Variants in ANKRD54 observed in about 807,000 individuals in gnomAD.
ANKRD54 encodes the protein ankyrin repeat domain-containing protein 54.
Under a neutral mutation model 36.2 loss-of-function variants are expected in ANKRD54, and 26 were observed. The observed-to-expected ratio is 0.72, with a 90% CI of 0.53 to 1.00. The LOEUF (loss-of-function observed/expected upper bound fraction) is 1.00. ANKRD54 is among the 50% of genes least tolerant of loss of function. The pLI is 0.00. For synonymous variants in ANKRD54, 209 were observed against 188.4 expected (o/e 1.11, Z -0.89); for missense variants, 384 against 424.3 (o/e 0.91, Z 0.83).
intron 1 of ANKRD54, among the ~76,000 whole-genome samples, chr22:37,842,065 C>A (rs537811029): frequency 6.6e-6 from 1 of 151,472 alleles, no homozygotes; most frequent in Non-Finnish European, 1.5e-5. Flanking sequence ...AAAAATATTT[C>A]TCAATCTTAG....
upstream of ANKRD54, among the ~76,000 whole-genome samples, chr22:37,847,043 C>T (rs1179421084): frequency 1.7e-4 from 25 of 150,638 alleles, no homozygotes; most frequent in South Asian, 3.8e-3. Flanking sequence ...TTAGTAGAGA[C>T]GGGGTTTCAC....
chr22:37,834,068 GCTT>G, intron 3 of ANKRD54: 1 of 328,788 alleles, frequency 3.0e-6, no homozygotes, highest in South Asian at 4.2e-5. Context: ...GGCATTTTCT[GCTT>G]CTCCCACAGC....
rs1206945784 is a variant in ANKRD54, at chr22:37,844,201, C to A, written c.38G>T (p.Arg13Leu). The A allele has an allele frequency of 2.0e-6, 3 of 1,519,772 alleles. No homozygotes were observed. The highest frequency in any genetic ancestry group is 1.7e-6 in the Non-Finnish European group (2 of 1,142,874). 94.1% of individuals were successfully genotyped at this position (1,519,772 alleles called of 1,614,324 possible). A position where few individuals can be genotyped will look rare whatever the true frequency, so the allele number is the denominator to read the frequency against. The change falls in exon 1 of 8, where the codon CGC becomes CTC. Residue 13 changes from arginine to leucine, a missense_variant. Physicochemically the swap from Arg to Leu is moderately radical, Grantham distance 102. Coordinates refer to ENST00000215941, the MANE Select transcript of ANKRD54 (RefSeq NM_138797.4). ...GCCCTCCGAGCTCGAGTGGCCTGAG[C>A]GCGGCTCGTCGTCCGCGTCCCCGGC... ...AAAGDADDEP[R>L]SGHSSSEGEC...
chr22:37,842,763 T>C (rs182863060), intron 1 of ANKRD54, among the ~76,000 whole-genome samples: 222 of 152,354 alleles, frequency 1.5e-3, no homozygotes, highest in African/African-American at 5.1e-3. Flanking sequence ...CACTAAAATA[T>C]GGCTAGAGTC....
intron 1 of ANKRD54, 96 bp downstream of exon 1, chr22:37,843,815 T>A (rs969307401): frequency 2.1e-5 from 20 of 934,906 alleles, no homozygotes; most frequent in Non-Finnish European, 2.7e-5. Flanking sequence ...CGGCTGAGGG[T>A]CGGGGGCGAC....
At chr22:37,839,335 T>C (rs890327518) in intron 2 of ANKRD54, among the ~76,000 whole-genome samples, 5 of 152,204 alleles carry the variant, frequency 3.3e-5, no homozygotes, top group Admixed American at 1.3e-4. Flanking sequence ...GGACATGGAT[T>C]TTTTCTTATA....
chr22:37,846,922 C>A (rs567639956), upstream of ANKRD54, among the ~76,000 whole-genome samples: 4 of 145,622 alleles, frequency 2.7e-5, no homozygotes, highest in African/African-American at 1.0e-4. Flanking sequence ...GGCAGGATCT[C>A]GGCTCACTGC....
Position 37,835,561 on chromosome 22 carries a change from C to G in ANKRD54, c.476-1806G>C, listed in dbSNP as rs569541702. ...GTGGCTCATGCTTGTAATCCCAATA[C>G]TTTGGGAGGCCAAGGTGACAGGATC... On this transcript the variant is annotated intron_variant, in intron 3 of 7. Coordinates refer to ENST00000215941, the MANE Select transcript of ANKRD54 (RefSeq NM_138797.4). 1.4e-4 allele frequency among the ~76,000 whole-genome samples: 21 copies of G among 152,292 alleles called. No individual in the cohort carries two copies. In the South Asian group the frequency reaches 3.9e-3, roughly 29 times the overall value.
chr22:37,842,529 T>A (rs1375942659), intron 1 of ANKRD54, among the ~76,000 whole-genome samples: 2 of 152,228 alleles, frequency 1.3e-5, no homozygotes, highest in Non-Finnish European at 2.9e-5. Context: ...GTTACACAGA[T>A]AATCTTATAT....
intron 3 of ANKRD54, 62 bp downstream of exon 3, chr22:37,838,438 C>T: frequency 6.6e-7 from 1 of 1,507,694 alleles, no homozygotes; most frequent in Non-Finnish European, 9.0e-7. Context: ...GCGCCTCCCC[C>T]AAGGCCTGTG....
chr22:37,840,995 T>C (rs1247717927), intron 1 of ANKRD54, among the ~76,000 whole-genome samples: 1 of 147,130 alleles, frequency 6.8e-6, no homozygotes, highest in Non-Finnish European at 1.5e-5. Context: ...GGTAGGAGAA[T>C]GGGTTGAAGC....
intron 3 of ANKRD54, among the ~76,000 whole-genome samples, chr22:37,835,748 G>A (rs1276858683): frequency 6.6e-6 from 1 of 152,232 alleles, no homozygotes; most frequent in Admixed American, 6.5e-5. Flanking sequence ...TGAGGCTGCA[G>A]TGGGCAGTGA....
chr22:37,840,383 C>A, intron 1 of ANKRD54, 149 bp from the exon 2 acceptor site: 1 of 809,230 alleles, frequency 1.2e-6, no homozygotes. Context: ...ATGGTGAAAC[C>A]CCATCTCTAC....
chr22:37,844,185 G>C lies in ANKRD54; in HGVS notation c.54C>G (p.Ser18Arg). Reference sequence around the variant, plus strand: ...GCGCCACCGCGCACTCGCCCTCCGAGCTCGAGTGGCCTGAGCGCGGCTCGT... The same window carrying C: ...GCGCCACCGCGCACTCGCCCTCCGACCTCGAGTGGCCTGAGCGCGGCTCGT... ...ADDEPRSGHS[S>R]SEGECAVAPE... is the part of the protein sequence containing the mutation. The change falls in exon 1 of 8, where the codon AGC becomes AGG. Residue 18 changes from serine (S) to arginine (R), a missense_variant. Around this residue, in one of 3 missense-constraint regions of ANKRD54, gnomAD observed 195 missense variants for 177.7 expected, o/e 1.10. Coordinates refer to ENST00000215941, the MANE Select transcript of ANKRD54 (RefSeq NM_138797.4). 6.6e-7 allele frequency: 1 copy of C among 1,513,754 alleles called. No homozygotes were observed. The highest frequency in any genetic ancestry group is 1.4e-5 in the African/African-American group (1 of 69,302). The allele number at this position is 1,513,754 out of a possible 1,614,324, so 93.8% of individuals were successfully genotyped here. A position where few individuals can be genotyped will look rare whatever the true frequency, so the allele number is the denominator to read the frequency against.
At chr22:37,838,964 A>G (rs572586041) in intron 2 of ANKRD54, among the ~76,000 whole-genome samples, 2 of 152,244 alleles carry the variant, frequency 1.3e-5, no homozygotes, top group African/African-American at 4.8e-5. Flanking sequence ...CAGCTGCCCA[A>G]GCTATTGGCC....
chr22:37,837,855 C>T (rs556588618), intron 3 of ANKRD54, among the ~76,000 whole-genome samples: 221 of 152,124 alleles, frequency 1.5e-3, no homozygotes, highest in African/African-American at 5.1e-3. Context: ...CCGGTGTGGC[C>T]GGGTGCAGTC....
chr22:37,839,873 G>A (rs911196025), intron 2 of ANKRD54, among the ~76,000 whole-genome samples: 2 of 152,208 alleles, frequency 1.3e-5, no homozygotes, highest in Admixed American at 6.5e-5. Context: ...CAAAGTTAGT[G>A]CCTACTCTTT....
chr22:37,844,127 A>G lies in ANKRD54; in HGVS notation c.112T>C (p.Ser38Pro), dbSNP rs896245398. 3.3e-6 allele frequency: 5 copies of G among 1,492,906 alleles called. No individual in the cohort carries two copies. The African/African-American group carries it at 7.3e-5, about 22-fold the overall frequency. The allele number at this position is 1,492,906 out of a possible 1,614,324, so 92.5% of individuals were successfully genotyped here. A position where few individuals can be genotyped will look rare whatever the true frequency, so the allele number is the denominator to read the frequency against. ...AGCGCAGACCCGAAGTCAGCGAAGGAGAAGAGGCCCTCAGCGTCAGTCAGC... is the reference window on the plus strand; with the variant it reads ...AGCGCAGACCCGAAGTCAGCGAAGGGGAAGAGGCCCTCAGCGTCAGTCAGC... ...EPLTDAEGLF[S>P]FADFGSALGG... Residue 38 changes from serine (S) to proline (P), a missense_variant, in exon 1 of 8, where the codon TCC (serine) becomes CCC (proline). Around this residue, in one of 3 missense-constraint regions of ANKRD54, gnomAD observed 195 missense variants for 177.7 expected, o/e 1.10. Transcript: ENST00000215941.
rs1007754009 is a variant in ANKRD54, at chr22:37,833,764, A to G, written c.476-9T>C. 8 of 1,613,646 alleles carry G rather than the reference A, an allele frequency of 5.0e-6. No individual in the cohort carries two copies. Among genetic ancestry groups the G allele is most frequent in the Non-Finnish European group, 6.8e-6 (8 of 1,179,774 alleles). On this transcript the variant is annotated splice_polypyrimidine_tract_variant and intron_variant, in intron 3 of 7. Transcript: ENST00000215941. ...GTCCAGGAGCAGCTGCACTGGAAAC[A>G]GGCAAACCCAAGAGGAGTTGTCGGA... is the stretch of plus-strand genomic sequence containing the variant.
Sources: gnomAD v4.1 joint callset for allele counts (sites outside exome capture counted in the v4.1 genomes callset) on GRCh38, gnomAD v4.1.1 for gene constraint, gnomAD v4.1.1 regional missense constraint, MANE v1.5 for transcripts, NCBI Gene and HGNC (gene_info 2026-07-23, HGNC 2026-07-21) for gene names.